MAPRE3: variants seen among roughly 807,000 people sequenced by gnomAD.
MAPRE3 encodes the protein microtubule associated protein RP/EB family member 3.
In MAPRE3, 2 loss-of-function variants were observed where a neutral mutation model predicts 30.5. That is an observed-to-expected ratio of 0.07 (90% confidence interval 0.03 to 0.21). The LOEUF is 0.21. Ranked by LOEUF, MAPRE3 falls within the 10% of genes least tolerant of loss-of-function variation. MAPRE3 has a pLI of 1.00. For synonymous variants in MAPRE3, 110 were observed against 127.7 expected, an observed-to-expected ratio of 0.86 and a Z score of 0.93; for missense variants, 204 against 351.8, an observed-to-expected ratio of 0.58 and a Z score of 3.36.
rs1666785663 is a variant in MAPRE3, at chr2:27,008,815, A to G, written c.-7-13397A>G. On this transcript the variant is annotated intron_variant, in intron 1 of 6. Transcript: ENST00000233121. ...CAACCCTGACATCCTCAGTGGGTGA[A>G]TGAGTAGACTGTGGTACATCCATAC... 2.0e-5 allele frequency among the ~76,000 whole-genome samples: 3 copies of G among 152,292 alleles called. No homozygotes were observed. In the South Asian group the frequency reaches 6.2e-4, roughly 32 times the overall value.
rs560816003 is a variant in MAPRE3, at chr2:26,985,910, C to T, written c.-8+15108C>T. On this transcript the variant is annotated intron_variant, in intron 1 of 6. Transcript: ENST00000233121. The surrounding 1 kb of genome is among the most constrained non-coding windows in gnomAD (Gnocchi z 4.2). ...CTGGAAGAGAGGCAGGGAGCAGATT[C>T]CCCCAAGAGCCTTCAGAGGGAGGGC... Among the ~76,000 whole-genome samples the T allele has an allele frequency of 6.6e-6, 1 of 152,208 alleles. No individual in the cohort carries two copies. The highest frequency in any genetic ancestry group is 2.1e-4 in the South Asian group (1 of 4,820).
At chr2:27,018,975 G>A (rs1312043462) in intron 1 of MAPRE3, among the ~76,000 whole-genome samples, 1 of 151,642 alleles carries the variant, frequency 6.6e-6, no homozygotes, top group Non-Finnish European at 1.5e-5. Flanking sequence ...GGAGTACAGT[G>A]GCATGATCTT....
At chr2:26,973,286 C>T (rs1665949396) in intron 1 of MAPRE3, among the ~76,000 whole-genome samples, 2 of 152,212 alleles carry the variant, frequency 1.3e-5, no homozygotes, top group Admixed American at 6.5e-5. Flanking sequence ...CCTGAGAGTG[C>T]ATGCATTGTG....
chr2:27,026,199 G>A, intron 6 of MAPRE3, 81 bp from the exon 7 acceptor site: 2 of 1,435,406 alleles, frequency 1.4e-6, no homozygotes, highest in Non-Finnish European at 1.9e-6. Flanking sequence ...CTGACCCCTT[G>A]CTCTTCAGCT....
rs1667253402 is a variant in MAPRE3, at chr2:27,026,712, T to G, written c.*364T>G. On this transcript the variant is annotated 3_prime_UTR_variant, in exon 7 of 7. Transcript: ENST00000233121. ...AAGTCATTGGTATATTTTTACTTAC[T>G]GGATTCTCCTTGCACTTTACCTGTT... 4.5e-6 allele frequency: 1 copy of G among 220,454 alleles called. No homozygotes were observed. Among genetic ancestry groups the G allele is most frequent in the Non-Finnish European group, 8.8e-6 (1 of 113,162 alleles). The allele number at this position is 220,454 out of a possible 1,614,324, so 13.7% of individuals were successfully genotyped here.
chr2:26,996,519 A>C lies in MAPRE3; in HGVS notation c.-7-25693A>C, dbSNP rs1261219738. 2.0e-5 allele frequency among the ~76,000 whole-genome samples: 3 copies of C among 152,080 alleles called. No individual in the cohort carries two copies. In the East Asian group the frequency reaches 5.8e-4, roughly 29 times the overall value. Reference sequence around the variant, plus strand: ...AGGTTTCCTTGTTAAACCCTTCACCAGGGCCGGGCGCGGTGGTTTAAGCCT... The same window carrying C: ...AGGTTTCCTTGTTAAACCCTTCACCCGGGCCGGGCGCGGTGGTTTAAGCCT... On this transcript the variant is annotated intron_variant, in intron 1 of 6. Transcript: ENST00000233121.
chr2:26,994,951 C>T (rs1437731563), intron 1 of MAPRE3, among the ~76,000 whole-genome samples: 1 of 151,818 alleles, frequency 6.6e-6, no homozygotes, highest in Admixed American at 6.6e-5. Flanking sequence ...ATCTTCCTGC[C>T]TCAGCCTCCC....
intron 1 of MAPRE3, among the ~76,000 whole-genome samples, chr2:26,995,322 A>T (rs1305227539): frequency 6.6e-6 from 1 of 152,198 alleles, no homozygotes; most frequent in Admixed American, 6.5e-5. Flanking sequence ...TTTGTCCTAG[A>T]TATTAATAGG....
chr2:27,026,132 T>A, intron 6 of MAPRE3, 100 bp downstream of exon 6: 1 of 1,492,622 alleles, frequency 6.7e-7, no homozygotes, highest in African/African-American at 1.4e-5. Flanking sequence ...CATTTACTGA[T>A]GAGAGAGAGG....
intron 1 of MAPRE3, among the ~76,000 whole-genome samples, chr2:27,007,837 G>A (rs1029115252): frequency 6.6e-6 from 1 of 152,198 alleles, no homozygotes; most frequent in Non-Finnish European, 1.5e-5. Context: ...TTCAGGAAGC[G>A]CTGGAGATAA....
intron 1 of MAPRE3, among the ~76,000 whole-genome samples, chr2:26,971,423 T>C (rs1277662636): frequency 6.6e-6 from 1 of 152,126 alleles, no homozygotes; most frequent in Non-Finnish European, 1.5e-5. Flanking sequence ...AGCCCCATCG[T>C]GATCATCTAG....
At chr2:26,990,387 G>C (rs1262503302) in intron 1 of MAPRE3, among the ~76,000 whole-genome samples, 1 of 152,042 alleles carries the variant, frequency 6.6e-6, no homozygotes, top group Non-Finnish European at 1.5e-5. Flanking sequence ...CTTCCACTAA[G>C]TGAACTCCCA....
chr2:27,002,667 G>C (rs1408062834), intron 1 of MAPRE3, among the ~76,000 whole-genome samples: 1 of 152,186 alleles, frequency 6.6e-6, no homozygotes, highest in African/African-American at 2.4e-5. Flanking sequence ...GTGTGGGTCT[G>C]CAGGCTGTCC....
intron 1 of MAPRE3, among the ~76,000 whole-genome samples, chr2:26,982,087 T>C (rs1205727354): frequency 1.3e-5 from 2 of 152,192 alleles, no homozygotes. Context: ...GTACAAAGTG[T>C]ACAACTGTTT....
intron 1 of MAPRE3, among the ~76,000 whole-genome samples, chr2:26,979,357 G>A (rs757408415): frequency 2.0e-5 from 3 of 152,182 alleles, no homozygotes; most frequent in Non-Finnish European, 4.4e-5. Context: ...AGGCCAAGGG[G>A]GGAGGATCAC....
At chr2:26,994,345 A>G (rs559684270) in intron 1 of MAPRE3, among the ~76,000 whole-genome samples, 1 of 152,336 alleles carries the variant, frequency 6.6e-6, no homozygotes, top group Non-Finnish European at 1.5e-5. Context: ...TAAGCATGAA[A>G]TCAGAGCAAA....
intron 1 of MAPRE3, among the ~76,000 whole-genome samples, chr2:26,989,194 G>A (rs762422538): frequency 5.3e-5 from 8 of 152,128 alleles, no homozygotes; most frequent in East Asian, 1.9e-4. Flanking sequence ...CTTGGCACTC[G>A]AAGAAGAAAA....
At chr2:27,022,535 G>C (rs1667130032) in intron 2 of MAPRE3, 196 bp downstream of exon 2, 3 of 670,532 alleles carry the variant, frequency 4.5e-6, no homozygotes, top group Admixed American at 6.1e-5. Context: ...GGATGGTGTA[G>C]CCTACTACAC....
chr2:27,022,432 A>T, intron 2 of MAPRE3, 93 bp downstream of exon 2: 1 of 1,485,492 alleles, frequency 6.7e-7, no homozygotes, highest in African/African-American at 1.4e-5. Context: ...ATATACAGTC[A>T]TGCATGGCTG....
Sources: gnomAD v4.1 joint callset for allele counts (sites outside exome capture counted in the v4.1 genomes callset) on GRCh38, gnomAD v4.1.1 for gene constraint, Gnocchi (gnomAD v3.1) non-coding constraint, MANE v1.5 for transcripts, NCBI Gene and HGNC (gene_info 2026-07-23, HGNC 2026-07-21) for gene names.